The following RARS1 variants were observed in gnomAD, a reference collection of about 807,000 sequenced individuals.
RARS1 encodes the protein arginyl-tRNA synthetase 1.
Under a neutral mutation model 78.7 loss-of-function variants are expected in RARS1, and 75 were observed. The ratio of observed to expected loss-of-function variants is 0.95; its 90% confidence interval spans 0.79 to 1.15. The LOEUF (loss-of-function observed/expected upper bound fraction) is 1.15, where lower values mean the gene tolerates loss of function less well. Among genes scored for constraint, RARS1 ranks in the 50% most tolerant of loss-of-function variants. RARS1 has a pLI of 0.00. For synonymous variants in RARS1, 273 were observed against 268.2 expected, an observed-to-expected ratio of 1.02 and a Z score of -0.18; for missense variants, 787 against 787.5, an observed-to-expected ratio of 1.00 and a Z score of 0.01.
rs1471177259 is a variant in RARS1, at chr5:168,493,945, A to G, written c.421A>G (p.Ile141Val). 1.9e-5 allele frequency: 30 copies of G among 1,613,700 alleles called. No individual in the cohort carries two copies. Among genetic ancestry groups the G allele is most frequent in the Non-Finnish European group, 2.5e-5 (30 of 1,179,726 alleles). ...KVNPREIAENITKHLPDNECI... is the reference protein window; with the variant it reads ...KVNPREIAENVTKHLPDNECI... ...TAATCCAAGAGAAATTGCTGAAAAC[A>G]TTACCAAACACCTCCCAGACAATGA... The change falls in exon 4 of 15, where the codon ATT becomes GTT. Residue 141 changes from isoleucine (I) to valine (V), a missense_variant. Transcript: ENST00000231572.
At chr5:168,504,029 A>G (rs1405594006) in intron 9 of RARS1, among the ~76,000 whole-genome samples, 1 of 150,526 alleles carries the variant, frequency 6.6e-6, no homozygotes, top group African/African-American at 2.5e-5. Context: ...CCACTGCACT[A>G]CAGCCTGGGA....
At chr5:168,488,529 T>C in intron 1 of RARS1, 73 bp from the exon 2 acceptor site, 1 of 1,467,990 alleles carries the variant, frequency 6.8e-7, no homozygotes, top group Non-Finnish European at 9.2e-7. Context: ...CCATGGTCTA[T>C]GCCACGCCTT....
At position 168,519,214 on chromosome 5, in the gene RARS1, G is replaced by A. The variant is rs560287617; in HGVS notation, c.*24G>A. 36 of 1,573,740 alleles carry A rather than the reference G, an allele frequency of 2.3e-5. No homozygotes were observed. The highest frequency in any genetic ancestry group is 1.7e-4 in the Admixed American group (10 of 58,146). ...AATCCTTCATAGGTTTGAACACTGT[G>A]TGTTTTTACCAAAGTGGCCATTGGC... On this transcript the variant is annotated 3_prime_UTR_variant, in exon 15 of 15. Coordinates refer to ENST00000231572, the MANE Select transcript of RARS1 (RefSeq NM_002887.4).
chr5:168,509,443 C>T (rs1041580972), intron 11 of RARS1, among the ~76,000 whole-genome samples: 15 of 110,108 alleles, frequency 1.4e-4, no homozygotes, highest in Admixed American at 4.4e-4. Context: ...TAAACACCCC[C>T]CCCCCCCCAC....
rs1758735687 is a variant in RARS1, at chr5:168,519,156, A to T, written c.1949A>T (p.Asp650Val). 1 of 1,613,876 alleles carries T rather than the reference A, an allele frequency of 6.2e-7. No individual in the cohort carries two copies. The highest frequency in any genetic ancestry group is 8.5e-7 in the Non-Finnish European group (1 of 1,179,900). ...GCTGCTGTCATGGCCAAGGGGTTTG[A>T]TATCCTGGGAATAAAACCTGTCCAA... ...AVAAVMAKGF[D>V]ILGIKPVQRM is the part of the protein sequence containing the mutation. Residue 650 changes from aspartate to valine, a missense_variant, in exon 15 of 15, where the codon GAT becomes GTT. Physicochemically the swap from Asp to Val is radical, Grantham distance 152. Coordinates refer to ENST00000231572, the MANE Select transcript of RARS1 (RefSeq NM_002887.4).
chr5:168,497,174 C>G (rs1168993882), intron 6 of RARS1, 54 bp from the exon 7 acceptor site: 3 of 1,285,144 alleles, frequency 2.3e-6, no homozygotes, highest in Non-Finnish European at 3.1e-6. Context: ...TCTAATTTAA[C>G]TTAACCATCT....
intron 9 of RARS1, among the ~76,000 whole-genome samples, chr5:168,502,785 T>C (rs551655086): frequency 1.2e-4 from 19 of 152,164 alleles, no homozygotes; most frequent in Non-Finnish European, 2.4e-4. Flanking sequence ...TTGGCTGGGC[T>C]GGTCTTGAAC....
At chr5:168,497,410 C>A in intron 7 of RARS1, 62 bp downstream of exon 7, 1 of 1,317,480 alleles carries the variant, frequency 7.6e-7, no homozygotes, top group East Asian at 2.7e-5. Context: ...TATCCATTTT[C>A]CTTAGGAAAC....
At chr5:168,495,684 CAT>C (rs1351087141) in intron 6 of RARS1, among the ~76,000 whole-genome samples, 3 of 152,292 alleles carry the variant, frequency 2.0e-5, no homozygotes, top group Non-Finnish European at 2.9e-5. Flanking sequence ...TCATTCTACA[CAT>C]GTTTCTTGAG....
intron 1 of RARS1, among the ~76,000 whole-genome samples, chr5:168,487,129 G>C (rs988947682): frequency 1.3e-5 from 2 of 152,118 alleles, no homozygotes; most frequent in Non-Finnish European, 2.9e-5. Context: ...TTGGGAGGCC[G>C]AGGTGGGCGG....
chr5:168,511,412 A>AAG (rs150517110), intron 12 of RARS1, among the ~76,000 whole-genome samples: 2 of 151,666 alleles, frequency 1.3e-5, no homozygotes, highest in East Asian at 1.9e-4. Context: ...AAGCAGGAGC[A>AAG]AGAGAGAGAG....
chr5:168,517,713 A>G (rs1391291513), intron 13 of RARS1, 102 bp from the exon 14 acceptor site: 13 of 1,466,276 alleles, frequency 8.9e-6, no homozygotes, highest in Non-Finnish European at 1.2e-5. Context: ...TTCATTTTAT[A>G]GGAACTTCTT....
At chr5:168,492,489 G>A (rs1758105511) in intron 2 of RARS1, among the ~76,000 whole-genome samples, 170 bp from the exon 3 acceptor site, 1 of 152,192 alleles carries the variant, frequency 6.6e-6, no homozygotes, top group Non-Finnish European at 1.5e-5. Context: ...GGATGGACTT[G>A]TCCTGCTGCA....
At chr5:168,495,550 A>G (rs1047195043) in intron 6 of RARS1, 114 bp downstream of exon 6, 10 of 1,438,526 alleles carry the variant, frequency 7.0e-6, no homozygotes, top group South Asian at 1.5e-5. Flanking sequence ...TCAGTGGTTC[A>G]TCAGCTTAGT....
At chr5:168,490,772 G>A (rs759370312) in intron 2 of RARS1, among the ~76,000 whole-genome samples, 2 of 152,116 alleles carry the variant, frequency 1.3e-5, no homozygotes, top group Non-Finnish European at 2.9e-5. Flanking sequence ...CCAAAACTAA[G>A]CACAGTAGAT....
intron 3 of RARS1, 32 bp downstream of exon 3, chr5:168,492,879 AT>A (rs763212692): frequency 2.0e-6 from 3 of 1,490,868 alleles, no homozygotes; most frequent in Admixed American, 3.6e-5. Flanking sequence ...TGGCTGTTTG[AT>A]TTTTTTAAGT....
At chr5:168,511,352 C>CTTTTAT (rs1758560167) in intron 12 of RARS1, among the ~76,000 whole-genome samples, 1 of 151,816 alleles carries the variant, frequency 6.6e-6, no homozygotes, top group Non-Finnish European at 1.5e-5. Flanking sequence ...CCTCAGGGAA[C>CTTTTAT]TTTTATTCAT....
intron 12 of RARS1, among the ~76,000 whole-genome samples, chr5:168,512,378 G>A (rs965323393): frequency 1.3e-5 from 2 of 152,006 alleles, no homozygotes; most frequent in Admixed American, 6.6e-5. Flanking sequence ...GCTGACTTAC[G>A]CTTAACTTTA....
In RARS1 at chr5:168,506,085, C is replaced by CATA. The variant is rs1291453229; in HGVS notation, c.1123_1125dup (p.Ile375dup). 1.2e-6 allele frequency: 2 copies of CATA among 1,607,538 alleles called. No individual in the cohort carries two copies. The highest frequency in any genetic ancestry group is 1.7e-6 in the Non-Finnish European group (2 of 1,177,040). ...TCCCAGGGTGTTCCATACCATTAACCATAGTAAAATCAGATGGAGGTTATA... is the reference window on the plus strand; with the variant it reads ...TCCCAGGGTGTTCCATACCATTAACCATAATAGTAAAATCAGATGGAGGTTATA... On this transcript the variant is annotated inframe_insertion, in exon 10 of 15. Coordinates refer to ENST00000231572, the MANE Select transcript of RARS1 (RefSeq NM_002887.4).
Sources: allele counts gnomAD v4.1 joint callset (sites outside exome capture counted in the v4.1 genomes callset), GRCh38; gene constraint gnomAD v4.1.1; transcripts MANE v1.5; gene names NCBI Gene and HGNC (gene_info 2026-07-23, HGNC 2026-07-21).